Variants in SDC3 observed in about 807,000 individuals in gnomAD.
SDC3 encodes the protein syndecan 3, also known as syndecan-3.
Under a neutral mutation model 24.4 loss-of-function variants are expected in SDC3, and 13 were observed. That is an observed-to-expected ratio of 0.53 (90% CI 0.35 to 0.85). SDC3 has a LOEUF of 0.85. SDC3 is among the 40% of genes least tolerant of loss of function. The pLI is 0.01. For synonymous variants in SDC3, 295 were observed against 260.9 expected, an observed-to-expected ratio of 1.13 and a Z score of -1.26; for missense variants, 571 against 584.5, an observed-to-expected ratio of 0.98 and a Z score of 0.24.
chr1:30,884,212 G>A (rs868432182), intron 1 of SDC3, among the ~76,000 whole-genome samples: 1 of 152,142 alleles, frequency 6.6e-6, no homozygotes, highest in Non-Finnish European at 1.5e-5. Context: ...AAGTCCCAGA[G>A]AGCAGAAGCC....
Position 30,876,825 on chromosome 1 carries a change from G to A in SDC3, c.597C>T (p.Thr199=), listed in dbSNP as rs1301697006. Residue 199 remains threonine, a synonymous_variant, in exon 3 of 5, where the codon ACC becomes ACT. Transcript: ENST00000339394. ...STPAAPPFTA[T]TAVIRTTGVR... ...CGCCAGTGGTCCTTATAACAGCAGT[G>A]GTGGCCGTAAAAGGGGGTGCTGCAG... The A allele has an allele frequency of 2.5e-6, 4 of 1,611,460 alleles. No homozygotes were observed. The highest frequency in any genetic ancestry group is 3.4e-6 in the Non-Finnish European group (4 of 1,178,810).
chr1:30,881,641 G>A (rs1278732781), intron 1 of SDC3, among the ~76,000 whole-genome samples: 1 of 152,212 alleles, frequency 6.6e-6, no homozygotes, highest in African/African-American at 2.4e-5. Context: ...TCCCAGGGGA[G>A]CCGCTGAGCG....
rs910219669 is a variant in SDC3 at position 30,870,807 on chromosome 1, G to C, written c.*2404C>G. On this transcript the variant is annotated 3_prime_UTR_variant, in exon 5 of 5. Coordinates refer to ENST00000339394, the MANE Select transcript of SDC3 (RefSeq NM_014654.4). ...CTACTGAGAAACTGCACCCACTGTT[G>C]GGTCTCCCACCTGGGGTCCAGCATC... 1 of 152,400 alleles carries C rather than the reference G, an allele frequency of 6.6e-6. No individual in the cohort carries two copies. The highest frequency in any genetic ancestry group is 1.5e-5 in the Non-Finnish European group (1 of 68,182). The allele number at this position is 152,400 out of a possible 1,614,324, so 9.4% of individuals were successfully genotyped here.
chr1:30,889,069 G>A (rs1639870646), intron 1 of SDC3, among the ~76,000 whole-genome samples: 1 of 152,228 alleles, frequency 6.6e-6, no homozygotes, highest in African/African-American at 2.4e-5. Flanking sequence ...GGGAGACACA[G>A]CAGGGACTCT....
intron 3 of SDC3, 66 bp from the exon 4 acceptor site, chr1:30,874,654 T>C: frequency 4.0e-6 from 6 of 1,481,980 alleles, no homozygotes; most frequent in Non-Finnish European, 5.6e-6. Flanking sequence ...ACCACCATCC[T>C]ACTGCCCTGG....
At chr1:30,895,297 G>C (rs1167659630) in intron 1 of SDC3, among the ~76,000 whole-genome samples, 1 of 152,178 alleles carries the variant, frequency 6.6e-6, no homozygotes, top group African/African-American at 2.4e-5. Context: ...TTAGCTCCAC[G>C]TGGAAAAAGG....
chr1:30,876,716 C>A lies in SDC3; in HGVS notation c.706G>T (p.Ala236Ser), dbSNP rs1639644445. The change falls in exon 3 of 5, where the codon GCG (alanine) becomes TCG (serine). Residue 236 changes from alanine (A) to serine (S), a missense_variant. Physicochemically the swap from Ala to Ser is moderately conservative, Grantham distance 99. Around this residue, in one of 2 missense-constraint regions of SDC3, gnomAD observed 497 missense variants for 471.6 expected, o/e 1.05. Coordinates refer to ENST00000339394, the MANE Select transcript of SDC3 (RefSeq NM_014654.4). ...TPEAPSPPTT[A>S]AVLDTEAPTP... ...GGGGCCTCGGTGTCCAAGACAGCCG[C>A]CGTGGTGGGCGGGGAGGGCGCCTCG... is the stretch of plus-strand genomic sequence containing the variant. 1.3e-6 allele frequency: 2 copies of A among 1,596,380 alleles called. No individual in the cohort carries two copies. The highest frequency in any genetic ancestry group is 2.7e-5 in the African/African-American group (2 of 74,484).
rs779632287 is a variant in SDC3 at position 30,876,755 on chromosome 1, G to A, written c.667C>T (p.Arg223Trp). ...PLPLTTVATA[R>W]ATTPEAPSPP... ...GAGGGCGCCTCGGGGGTAGTGGCCC[G>A]TGCCGTAGCCACTGTGGTCAGTGGG... is the stretch of plus-strand genomic sequence containing the variant. Residue 223 changes from arginine (R) to tryptophan (W), a missense_variant, in exon 3 of 5, where the codon CGG becomes TGG. Around this residue, in one of 2 missense-constraint regions of SDC3, gnomAD observed 497 missense variants for 471.6 expected, o/e 1.05. Transcript: ENST00000339394. The A allele has an allele frequency of 2.0e-5, 32 of 1,588,412 alleles. No individual in the cohort carries two copies. The Middle Eastern group carries it at 6.7e-4, about 33-fold the overall frequency.
chr1:30,902,258 C>G (rs937653804), intron 1 of SDC3, among the ~76,000 whole-genome samples: 1 of 152,248 alleles, frequency 6.6e-6, no homozygotes, highest in African/African-American at 2.4e-5. Context: ...GCCACCGCCA[C>G]CCCCACTGCT....
intron 1 of SDC3, among the ~76,000 whole-genome samples, chr1:30,893,252 AAGAC>A (rs1187026273): frequency 1.4e-5 from 2 of 145,546 alleles, no homozygotes; most frequent in African/African-American, 2.5e-5. Context: ...CAGCATGACA[AAGAC>A]AGTCTCACCA....
At chr1:30,899,497 C>T (rs916821072) in intron 1 of SDC3, among the ~76,000 whole-genome samples, 2 of 152,128 alleles carry the variant, frequency 1.3e-5, no homozygotes, top group African/African-American at 4.8e-5. Context: ...CCTCAGCCAC[C>T]CAAGAAGCTG....
At chr1:30,906,686 C>T (rs1638525260) in intron 1 of SDC3, among the ~76,000 whole-genome samples, 1 of 152,170 alleles carries the variant, frequency 6.6e-6, no homozygotes, top group Non-Finnish European at 1.5e-5. Context: ...TCATTAGCCC[C>T]ATTTCACAGA....
chr1:30,890,257 A>C (rs187406339), intron 1 of SDC3, among the ~76,000 whole-genome samples: 2 of 152,300 alleles, frequency 1.3e-5, no homozygotes, highest in African/African-American at 4.8e-5. Context: ...CAGGGAGCCG[A>C]GATCATGCCA....
chr1:30,905,305 A>ACCCCCCCCCCCCCCCCCCCCCCCCCCC (rs1638496469), intron 1 of SDC3, among the ~76,000 whole-genome samples: 1 of 29,500 alleles, frequency 3.4e-5, no homozygotes, highest in Admixed American at 3.4e-4. Context: ...TAATTCCCCC[A>ACCCCCCCCCCCCCCCCCCCCCCCCCCC]CCCCACCCCA....
At chr1:30,899,209 C>G (rs1638353496) in intron 1 of SDC3, among the ~76,000 whole-genome samples, 2 of 151,812 alleles carry the variant, frequency 1.3e-5, no homozygotes, top group Admixed American at 1.3e-4. Flanking sequence ...GCCTCAGCCT[C>G]TGGAGTAGCT....
At chr1:30,889,256 C>A (rs191187179) in intron 1 of SDC3, among the ~76,000 whole-genome samples, 30 of 152,318 alleles carry the variant, frequency 2.0e-4, no homozygotes, top group Admixed American at 1.8e-3. Context: ...AGGCTCTCAG[C>A]CCACAGTCTG....
In SDC3 at chr1:30,891,850, C is replaced by CAA. The variant is rs11433428; in HGVS notation, c.139-13112_139-13111dup. Among the ~76,000 whole-genome samples the CAA allele has an allele frequency of 2.5e-3, 294 of 118,784 alleles. 4 individuals carry two copies. The highest frequency in any genetic ancestry group is 4.0e-3 in the South Asian group (14 of 3,482). The allele number at this position is 118,784 out of a possible 152,430, so 77.9% of individuals were successfully genotyped here. ...CCTGGGCGACACAGTGAGACGCCGT[C>CAA]AAAAAAAAAAAAAAAAGAGGAAGAA... On this transcript the variant is annotated intron_variant, in intron 1 of 4. Coordinates refer to ENST00000339394, the MANE Select transcript of SDC3 (RefSeq NM_014654.4).
chr1:30,908,344 G>A, intron 1 of SDC3, 105 bp downstream of exon 1: 13 of 573,524 alleles, frequency 2.3e-5, no homozygotes, highest in Non-Finnish European at 2.6e-5. Flanking sequence ...CAGCCGGGGG[G>A]GAGGGAGCGG....
At chr1:30,904,067 A>G (rs570401931) in intron 1 of SDC3, among the ~76,000 whole-genome samples, 99 of 152,214 alleles carry the variant, frequency 6.5e-4, no homozygotes, top group African/African-American at 2.1e-3. Flanking sequence ...TCTACTAAAA[A>G]TACAAAAATT....
Sources: gnomAD v4.1 joint callset for allele counts (sites outside exome capture counted in the v4.1 genomes callset) on GRCh38, gnomAD v4.1.1 for gene constraint, gnomAD v4.1.1 regional missense constraint, MANE v1.5 for transcripts, NCBI Gene and HGNC (gene_info 2026-07-23, HGNC 2026-07-21) for gene names.